The following PIP5K1B variants were observed in gnomAD, a reference collection of about 807,000 sequenced individuals.
PIP5K1B encodes phosphatidylinositol-4-phosphate 5-kinase type 1 beta.
Under a neutral mutation model 67.0 loss-of-function variants are expected in PIP5K1B, and 42 were observed. That is an observed-to-expected ratio of 0.63 (90% CI 0.49 to 0.81). PIP5K1B has a LOEUF of 0.81. PIP5K1B is among the 30% of genes least tolerant of loss of function. PIP5K1B has a pLI of 0.00. For synonymous variants in PIP5K1B, 214 were observed against 231.4 expected (o/e 0.92, Z 0.68); for missense variants, 459 against 646.3 (o/e 0.71, Z 3.14).
At chr9:68,803,317 G>A (rs1298596930) in intron 2 of PIP5K1B, among the ~76,000 whole-genome samples, 1 of 152,222 alleles carries the variant, frequency 6.6e-6, no homozygotes, top group Non-Finnish European at 1.5e-5. Flanking sequence ...GGCTCAAAGA[G>A]TTATTTGGGA....
At chr9:69,008,403 G>T (rs748559044) in intron 15 of PIP5K1B, 44 bp from the exon 16 acceptor site, 7 of 1,607,052 alleles carry the variant, frequency 4.4e-6, no homozygotes, top group Non-Finnish European at 6.0e-6. Flanking sequence ...GTTACAAATT[G>T]ATGCCAAAAT....
chr9:68,867,003 C>G (rs1055147649), intron 5 of PIP5K1B, among the ~76,000 whole-genome samples: 2 of 152,202 alleles, frequency 1.3e-5, no homozygotes, highest in Non-Finnish European at 2.9e-5. Flanking sequence ...TAGCATGGCT[C>G]TGCTGCCACG....
chr9:68,734,905 A>G (rs76008127), intron 1 of PIP5K1B, among the ~76,000 whole-genome samples: 2,037 of 152,354 alleles, frequency 0.013, 23 homozygotes, highest in Non-Finnish European at 0.021. Flanking sequence ...AAAACTGGAA[A>G]AGGCAATAGG....
intron 14 of PIP5K1B, among the ~76,000 whole-genome samples, chr9:68,989,981 CA>C (rs540266580): frequency 9.2e-5 from 13 of 141,464 alleles, no homozygotes; most frequent in African/African-American, 1.0e-4. Context: ...GACTCCGTCT[CA>C]AAAAAAAAAA....
chr9:68,902,391 T>C (rs1050653922), intron 8 of PIP5K1B, among the ~76,000 whole-genome samples: 23 of 152,244 alleles, frequency 1.5e-4, no homozygotes, highest in African/African-American at 4.3e-4. Context: ...ATTGGCTTTT[T>C]TTTACTCAGC....
At chr9:68,968,711 A>ATT (rs201070672) in intron 14 of PIP5K1B, among the ~76,000 whole-genome samples, 8 of 138,926 alleles carry the variant, frequency 5.8e-5, no homozygotes, top group Non-Finnish European at 1.1e-4. Flanking sequence ...ATATATATAT[A>ATT]TATATTTTTT....
At chr9:68,718,332 C>T (rs1352798587) in intron 1 of PIP5K1B, among the ~76,000 whole-genome samples, 1 of 152,154 alleles carries the variant, frequency 6.6e-6, no homozygotes, top group Non-Finnish European at 1.5e-5. Flanking sequence ...GTATTTTTTC[C>T]TATAGTGCTC....
chr9:68,958,858 C>T (rs1363804199), intron 14 of PIP5K1B, among the ~76,000 whole-genome samples: 1 of 152,048 alleles, frequency 6.6e-6, no homozygotes, highest in African/African-American at 2.4e-5. Flanking sequence ...GAATTGGTGA[C>T]AGAGAAAAGT....
chr9:68,911,207 C>G (rs955398701), intron 8 of PIP5K1B, among the ~76,000 whole-genome samples: 1 of 151,886 alleles, frequency 6.6e-6, no homozygotes, highest in South Asian at 2.1e-4. Flanking sequence ...AACCTTGTCT[C>G]TATTAAAAAT....
intron 2 of PIP5K1B, among the ~76,000 whole-genome samples, chr9:68,762,409 T>C (rs1046974063): frequency 6.6e-6 from 1 of 152,130 alleles, no homozygotes; most frequent in Non-Finnish European, 1.5e-5. Flanking sequence ...TTAGACTGTA[T>C]TAATTTGCAT....
intron 4 of PIP5K1B, 106 bp from the exon 5 acceptor site, chr9:68,863,731 T>C (rs911285401): frequency 2.2e-6 from 2 of 921,178 alleles, no homozygotes; most frequent in Non-Finnish European, 1.6e-6. Context: ...CGTCATTGTT[T>C]TGGAGCAAGA....
intron 5 of PIP5K1B, among the ~76,000 whole-genome samples, chr9:68,870,071 C>T (rs1015651228): frequency 1.3e-5 from 2 of 152,180 alleles, no homozygotes; most frequent in Non-Finnish European, 2.9e-5. Flanking sequence ...TTACTAAAAG[C>T]CATATACCTC....
At chr9:68,733,756 C>T (rs1220483522) in intron 1 of PIP5K1B, among the ~76,000 whole-genome samples, 1 of 150,306 alleles carries the variant, frequency 6.7e-6, no homozygotes, top group Non-Finnish European at 1.5e-5. Context: ...TCTCCTGCGT[C>T]AGCCACCCAA....
intron 5 of PIP5K1B, among the ~76,000 whole-genome samples, chr9:68,865,440 A>G (rs994317654): frequency 3.3e-5 from 5 of 152,120 alleles, no homozygotes; most frequent in African/African-American, 1.2e-4. Context: ...TTGAGCTCTC[A>G]TGGTCTCCAA....
In PIP5K1B at chr9:68,762,583, C is replaced by G. The variant is rs116423733; in HGVS notation, c.-86+19926C>G. Among the ~76,000 whole-genome samples the G allele has an allele frequency of 6.1e-3, 922 of 152,148 alleles. 10 individuals carry two copies. The highest frequency in any genetic ancestry group is 0.021 in the African/African-American group (852 of 41,522). Reference sequence around the variant, plus strand: ...ACATTTAAAGAAAATGCACAGGAAGCTGATATAGAAGAGATAAACCAGAGA... The same window carrying G: ...ACATTTAAAGAAAATGCACAGGAAGGTGATATAGAAGAGATAAACCAGAGA... On this transcript the variant is annotated intron_variant, in intron 2 of 15. Transcript: ENST00000265382.
intron 1 of PIP5K1B, among the ~76,000 whole-genome samples, chr9:68,710,965 T>C (rs1827363353): frequency 6.6e-6 from 1 of 152,236 alleles, no homozygotes; most frequent in Non-Finnish European, 1.5e-5. Flanking sequence ...TGGGTGTGTA[T>C]GTCTTTCAGT....
At chr9:68,772,155 A>G (rs879809313) in intron 2 of PIP5K1B, among the ~76,000 whole-genome samples, 3 of 152,208 alleles carry the variant, frequency 2.0e-5, no homozygotes, top group Non-Finnish European at 4.4e-5. Flanking sequence ...ATGAATCTCT[A>G]GGTTTGCAGC....
At chr9:68,920,785 C>CTCTCT (rs1826344982) in intron 11 of PIP5K1B, among the ~76,000 whole-genome samples, 1 of 127,706 alleles carries the variant, frequency 7.8e-6, no homozygotes, top group African/African-American at 3.7e-5. Context: ...CTCTCTCTCT[C>CTCTCT]ACACACATAC....
intron 4 of PIP5K1B, among the ~76,000 whole-genome samples, chr9:68,844,089 A>C (rs1034383065): frequency 6.6e-6 from 1 of 152,242 alleles, no homozygotes; most frequent in Non-Finnish European, 1.5e-5. Flanking sequence ...ACTTGTGTAC[A>C]TCTTGAAAGT....
Sources: gnomAD v4.1 joint callset for allele counts (sites outside exome capture counted in the v4.1 genomes callset) on GRCh38, gnomAD v4.1.1 for gene constraint, MANE v1.5 for transcripts, NCBI Gene and HGNC (gene_info 2026-07-23, HGNC 2026-07-21) for gene names.